ENAH: variants seen among roughly 807,000 people sequenced by gnomAD.
The protein encoded by ENAH is protein enabled homolog.
Under a neutral mutation model 78.7 loss-of-function variants are expected in ENAH, and 23 were observed. That is an observed-to-expected ratio of 0.29 (90% CI 0.21 to 0.41). ENAH has a LOEUF of 0.41. Ranked by LOEUF, ENAH falls within the 10% of genes least tolerant of loss-of-function variation. The pLI is 1.00. For synonymous variants in ENAH, 226 were observed against 241.0 expected (o/e 0.94, Z 0.58); for missense variants, 544 against 691.0 (o/e 0.79, Z 2.39).
intron 1 of ENAH, among the ~76,000 whole-genome samples, chr1:225,590,082 A>AACACAC (rs3050220): frequency 0.016 from 2,162 of 131,454 alleles, 41 homozygotes; most frequent in Admixed American, 0.025. Flanking sequence ...CTCATCACTC[A>AACACAC]ACACACACAC....
chr1:225,505,352 G>C (rs1399740046), intron 11 of ENAH, among the ~76,000 whole-genome samples: 1 of 152,094 alleles, frequency 6.6e-6, no homozygotes, highest in African/African-American at 2.4e-5. Flanking sequence ...GCATGTAAAG[G>C]ACTAGTTTTC....
chr1:225,595,997 T>C lies in ENAH; in HGVS notation c.6-28583A>G, dbSNP rs79172543. 8.6e-3 allele frequency among the ~76,000 whole-genome samples: 1,308 copies of C among 152,334 alleles called. 11 individuals carry two copies. Among genetic ancestry groups the C allele is most frequent in the African/African-American group, 0.029 (1,216 of 41,570 alleles). On this transcript the variant is annotated intron_variant, in intron 1 of 13. Transcript: ENST00000366843. ...TTCCTTACTACTAAAGAGGATACCC[T>C]TTTGGTTAAAAATTTAGAAACTATA... is the stretch of plus-strand genomic sequence containing the variant.
chr1:225,550,498 G>A (rs573380010), intron 3 of ENAH, among the ~76,000 whole-genome samples: 1 of 152,184 alleles, frequency 6.6e-6, no homozygotes, highest in Admixed American at 6.5e-5. Context: ...CAATCTGGAA[G>A]ACTAAAAAAC....
chr1:225,563,058 G>A (rs910130745), intron 2 of ENAH, among the ~76,000 whole-genome samples: 1 of 151,636 alleles, frequency 6.6e-6, no homozygotes, highest in Non-Finnish European at 1.5e-5. Context: ...GTTTCCTTAA[G>A]TATCATTATA....
intron 1 of ENAH, among the ~76,000 whole-genome samples, chr1:225,604,113 C>T (rs2096943114): frequency 6.6e-6 from 1 of 152,168 alleles, no homozygotes; most frequent in African/African-American, 2.4e-5. Flanking sequence ...ACACTACACA[C>T]TATGAGTAAT....
intron 3 of ENAH, among the ~76,000 whole-genome samples, chr1:225,544,871 A>G (rs2096605970): frequency 6.6e-6 from 1 of 152,212 alleles, no homozygotes; most frequent in Non-Finnish European, 1.5e-5. Flanking sequence ...AAAAATCACA[A>G]ATGTACTGAC....
At chr1:225,645,328 G>A (rs1055137643) in intron 1 of ENAH, among the ~76,000 whole-genome samples, 2 of 152,074 alleles carry the variant, frequency 1.3e-5, no homozygotes, top group Admixed American at 6.6e-5. Flanking sequence ...ATTTCACTTA[G>A]CATAATGCTT....
intron 4 of ENAH, 144 bp downstream of exon 4, chr1:225,530,410 G>C: frequency 3.3e-6 from 2 of 601,552 alleles, no homozygotes; most frequent in Non-Finnish European, 5.9e-6. Context: ...ACTTACTAAT[G>C]ACAGTCACAA....
chr1:225,593,105 A>AT (rs2096884903), intron 1 of ENAH, among the ~76,000 whole-genome samples: 1 of 152,160 alleles, frequency 6.6e-6, no homozygotes, highest in South Asian at 2.1e-4. Context: ...TAACTATCAT[A>AT]TAACAAAAAT....
At chr1:225,553,146 A>G (rs2096649735) in intron 3 of ENAH, among the ~76,000 whole-genome samples, 1 of 152,140 alleles carries the variant, frequency 6.6e-6, no homozygotes, top group Non-Finnish European at 1.5e-5. Flanking sequence ...AGGAGGGAGA[A>G]TCACTCGAAC....
intron 2 of ENAH, among the ~76,000 whole-genome samples, chr1:225,562,972 CAA>C (rs34624539): frequency 1.6e-5 from 2 of 124,376 alleles, no homozygotes; most frequent in Non-Finnish European, 3.5e-5. Context: ...AACTCTGTGT[CAA>C]AAAAAAAAAA....
At chr1:225,528,539 G>A (rs7555139) in intron 4 of ENAH, among the ~76,000 whole-genome samples, 102,117 of 151,896 alleles carry the variant, frequency 0.67, 34,576 homozygotes, top group Middle Eastern at 0.74. Flanking sequence ...ACTCTTATTC[G>A]GGTTGGTAGA....
At chr1:225,548,583 C>T (rs1248337674) in intron 3 of ENAH, among the ~76,000 whole-genome samples, 1 of 152,178 alleles carries the variant, frequency 6.6e-6, no homozygotes, top group African/African-American at 2.4e-5. Flanking sequence ...AATAAATGGC[C>T]TGAAGGCTCG....
chr1:225,517,939 C>G, intron 5 of ENAH: 1 of 1,549,110 alleles, frequency 6.5e-7, no homozygotes, highest in Non-Finnish European at 8.7e-7. Flanking sequence ...AGGCTGGCAA[C>G]TGGAATACTC....
At chr1:225,561,660 T>TAAAA (rs61081018) in intron 2 of ENAH, among the ~76,000 whole-genome samples, 5,437 of 151,730 alleles carry the variant, frequency 0.036, 146 homozygotes, top group Non-Finnish European at 0.054. Flanking sequence ...TAAAATAAAA[T>TAAAA]TAGTATGTTC....
At chr1:225,591,764 CAAAAAAA>C (rs55680042) in intron 1 of ENAH, among the ~76,000 whole-genome samples, 7 of 39,516 alleles carry the variant, frequency 1.8e-4, no homozygotes, top group East Asian at 1.1e-3. Flanking sequence ...GACTCCGTCT[CAAAAAAA>C]AAAAAAAAAA....
At chr1:225,652,662 G>GC in intron 1 of ENAH, 24 bp downstream of exon 1, 1 of 1,274,402 alleles carries the variant, frequency 7.8e-7, no homozygotes, top group Non-Finnish European at 9.9e-7. Flanking sequence ...GGCCCGCCCG[G>GC]CCCCCGCCCC....
intron 6 of ENAH, among the ~76,000 whole-genome samples, chr1:225,516,711 T>TA (rs1293293874): frequency 6.6e-6 from 1 of 151,808 alleles, no homozygotes; most frequent in Admixed American, 6.6e-5. Context: ...CTGTCTCTAC[T>TA]AAAAATACAA....
chr1:225,586,170 T>C lies in ENAH; in HGVS notation c.6-18756A>G, dbSNP rs368438968. ...ACTCAAGGCTGAGGCATAAGAATCGTTTGAACCCGGAAGGCGGAGGCTGCA... is the reference window on the plus strand; with the variant it reads ...ACTCAAGGCTGAGGCATAAGAATCGCTTGAACCCGGAAGGCGGAGGCTGCA... On this transcript the variant is annotated intron_variant, in intron 1 of 13. Transcript: ENST00000366843. Among the ~76,000 whole-genome samples, 7 of 149,618 alleles carry C rather than the reference T, an allele frequency of 4.7e-5. No homozygotes were observed. In the East Asian group the frequency reaches 9.9e-4, roughly 21 times the overall value.
Sources: allele counts gnomAD v4.1 joint callset (sites outside exome capture counted in the v4.1 genomes callset), GRCh38; gene constraint gnomAD v4.1.1; transcripts MANE v1.5; gene names NCBI Gene and HGNC (gene_info 2026-07-23, HGNC 2026-07-21).